The following OGDH variants were observed in gnomAD, a reference collection of about 807,000 sequenced individuals.
The protein encoded by OGDH is oxoglutarate dehydrogenase, also known as 2-oxoglutarate dehydrogenase complex component E1.
Under a neutral mutation model 116.6 loss-of-function variants are expected in OGDH, and 38 were observed. The observed-to-expected ratio is 0.33, with a 90% CI of 0.25 to 0.43. The LOEUF is 0.43. Ranked by LOEUF, OGDH falls within the 20% of genes least tolerant of loss-of-function variation. The pLI is 1.00. For synonymous variants in OGDH, 488 were observed against 533.3 expected, an observed-to-expected ratio of 0.92 and a Z score of 1.17; for missense variants, 825 against 1,357.2, an observed-to-expected ratio of 0.61 and a Z score of 6.16.
intron 1 of OGDH, among the ~76,000 whole-genome samples, chr7:44,615,186 T>C (rs1338340613): frequency 6.6e-6 from 1 of 152,180 alleles, no homozygotes; most frequent in Non-Finnish European, 1.5e-5. Context: ...ACCTGGACAT[T>C]CTGGGTGTTA....
At chr7:44,660,133 A>T (rs1017467383) in intron 4 of OGDH, among the ~76,000 whole-genome samples, 1 of 151,954 alleles carries the variant, frequency 6.6e-6, no homozygotes, top group Non-Finnish European at 1.5e-5. Flanking sequence ...ATTTTCTTTC[A>T]GTTGTTTTTG....
chr7:44,689,028 G>T (rs183693845), intron 10 of OGDH, among the ~76,000 whole-genome samples: 180 of 151,968 alleles, frequency 1.2e-3, no homozygotes, highest in African/African-American at 4.1e-3. Context: ...CTTATTACAG[G>T]CATGAGCCAC....
intron 4 of OGDH, among the ~76,000 whole-genome samples, chr7:44,649,170 A>G (rs1000998004): frequency 6.6e-6 from 1 of 151,648 alleles, no homozygotes; most frequent in Non-Finnish European, 1.5e-5. Context: ...TGCATCTGGA[A>G]GCCACCTCTT....
intron 4 of OGDH, among the ~76,000 whole-genome samples, chr7:44,663,704 G>A (rs893541771): frequency 3.3e-5 from 5 of 152,214 alleles, no homozygotes; most frequent in Non-Finnish European, 7.4e-5. Context: ...AGCCCGAGAG[G>A]CGGAAGTTGC....
At chr7:44,679,443 A>C (rs190377149) in intron 9 of OGDH, among the ~76,000 whole-genome samples, 195 of 152,332 alleles carry the variant, frequency 1.3e-3, no homozygotes, top group African/African-American at 4.1e-3. Flanking sequence ...GGACACCTGC[A>C]GTTCTGTTTT....
Position 44,656,476 on chromosome 7 carries a change from GT to G in OGDH, c.517+8722del. 7 of 905,168 alleles carry G rather than the reference GT, an allele frequency of 7.7e-6. No individual in the cohort carries two copies. In the South Asian group the frequency reaches 1.0e-4, roughly 14 times the overall value. 56.1% of individuals were successfully genotyped at this position (905,168 alleles called of 1,614,324 possible). On this transcript the variant is annotated intron_variant, in intron 4 of 22. Transcript: ENST00000222673. ...AAAGTTGACGCAACTTCTGTCACGT[GT>G]TTTTAAGTTTGTTAATTGTTCTGAA...
chr7:44,647,568 T>G, intron 3 of OGDH, 89 bp from the exon 4 acceptor site: 1 of 1,568,340 alleles, frequency 6.4e-7, no homozygotes, highest in Non-Finnish European at 8.7e-7. Flanking sequence ...AATTTTAATG[T>G]AATTTTACTT....
intron 2 of OGDH, among the ~76,000 whole-genome samples, chr7:44,629,505 C>T (rs1398351005): frequency 6.6e-6 from 1 of 152,182 alleles, no homozygotes; most frequent in Admixed American, 6.5e-5. Context: ...CTGCCCTGCC[C>T]ACCTGCCTAA....
chr7:44,636,919 C>A, intron 2 of OGDH, among the ~76,000 whole-genome samples: 1 of 152,144 alleles, frequency 6.6e-6, no homozygotes, highest in Non-Finnish European at 1.5e-5. Context: ...GGGAAGTTGG[C>A]TGTGAGTGGG....
chr7:44,698,280 C>T lies in OGDH; in HGVS notation c.2430+17C>T, dbSNP rs1440384366. The T allele has an allele frequency of 1.2e-6, 2 of 1,611,936 alleles. No homozygotes were observed. The highest frequency in any genetic ancestry group is 2.2e-5 in the East Asian group (1 of 44,872). The stretch of plus-strand genomic sequence containing the variant: ...GTCCTGCCAGTGAGTAATACAGGCC[C>T]TGTCAGCCCAGCCATTCTCGGGGTG... On this transcript the variant is annotated intron_variant, in intron 18 of 22. Coordinates refer to ENST00000222673, the MANE Select transcript of OGDH (RefSeq NM_002541.4).
intron 18 of OGDH, 88 bp from the exon 19 acceptor site, chr7:44,700,053 T>G: frequency 7.1e-7 from 1 of 1,413,440 alleles, no homozygotes. Context: ...GGGACAAATA[T>G]CCAAACTAGA....
intron 4 of OGDH, among the ~76,000 whole-genome samples, chr7:44,657,104 C>T (rs1418335186): frequency 1.3e-5 from 2 of 152,060 alleles, no homozygotes; most frequent in Non-Finnish European, 2.9e-5. Context: ...AGTTCTGTGC[C>T]CTTTGGCCAG....
At chr7:44,682,654 C>A (rs1457274903) in intron 10 of OGDH, among the ~76,000 whole-genome samples, 1 of 151,878 alleles carries the variant, frequency 6.6e-6, no homozygotes. Flanking sequence ...CAAGATCACA[C>A]CACTAAGCCT....
intron 2 of OGDH, among the ~76,000 whole-genome samples, chr7:44,640,440 G>GTT (rs202245477): frequency 8.6e-5 from 13 of 151,560 alleles, no homozygotes; most frequent in Non-Finnish European, 1.6e-4. Context: ...CTATTGGTGG[G>GTT]TTTTTTTTGT....
At chr7:44,648,691 G>T (rs752022484) in intron 4 of OGDH, among the ~76,000 whole-genome samples, 2 of 152,148 alleles carry the variant, frequency 1.3e-5, no homozygotes, top group Non-Finnish European at 2.9e-5. Flanking sequence ...ATCTTTATAG[G>T]CATTACTAAG....
intron 2 of OGDH, among the ~76,000 whole-genome samples, chr7:44,633,389 G>A (rs1281762296): frequency 1.3e-5 from 2 of 152,120 alleles, no homozygotes; most frequent in African/African-American, 2.4e-5. Context: ...AAAGAGCCAT[G>A]CTTTGTAAGT....
In OGDH at chr7:44,695,659, C is replaced by T. The variant is rs574150703; in HGVS notation, c.1669-366C>T. 2.1e-4 allele frequency among the ~76,000 whole-genome samples: 32 copies of T among 150,404 alleles called. No individual in the cohort carries two copies. The East Asian group carries it at 6.1e-3, about 29-fold the overall frequency. On this transcript the variant is annotated intron_variant, in intron 12 of 22. Coordinates refer to ENST00000222673, the MANE Select transcript of OGDH (RefSeq NM_002541.4). Reference sequence around the variant, plus strand: ...CGGAAGTTGCAGTGAGGCAAGATCGCGCCATTGCACTCCAGCCTGGTGACA... The same window carrying T: ...CGGAAGTTGCAGTGAGGCAAGATCGTGCCATTGCACTCCAGCCTGGTGACA...
intron 4 of OGDH, 156 bp from the exon 5 acceptor site, chr7:44,666,580 T>TA: frequency 2.5e-6 from 1 of 393,040 alleles, no homozygotes; most frequent in Non-Finnish European, 4.5e-6. Flanking sequence ...TGTAAAATAT[T>TA]ACTTATTTCA....
At chr7:44,634,442 G>A (rs1213802688) in intron 2 of OGDH, among the ~76,000 whole-genome samples, 1 of 152,184 alleles carries the variant, frequency 6.6e-6, no homozygotes, top group African/African-American at 2.4e-5. Context: ...CAGAATCCCA[G>A]CAAATATCAT....
Sources: gnomAD v4.1 joint callset for allele counts (sites outside exome capture counted in the v4.1 genomes callset) on GRCh38, gnomAD v4.1.1 for gene constraint, MANE v1.5 for transcripts, NCBI Gene and HGNC (gene_info 2026-07-23, HGNC 2026-07-21) for gene names.